MPDZ: variants seen among roughly 807,000 people sequenced by gnomAD.
MPDZ encodes multiple PDZ domain crumbs cell polarity complex component, also known as multiple PDZ domain protein.
In MPDZ, 234 loss-of-function variants were observed where a neutral mutation model predicts 239.1. That is an observed-to-expected ratio of 0.98 (90% confidence interval 0.88 to 1.09). MPDZ has a LOEUF of 1.09. Ranked by LOEUF, MPDZ falls within the 50% of genes least tolerant of loss-of-function variation. The pLI is 0.00. For synonymous variants in MPDZ, 1,048 were observed against 881.3 expected (o/e 1.19, Z -3.35); for missense variants, 3,175 against 2,510.0 (o/e 1.26, Z -5.66).
At chr9:13,112,881 C>T (rs1942727813) in intron 42 of MPDZ, 130 bp downstream of exon 42, 4 of 888,982 alleles carry the variant, frequency 4.5e-6, no homozygotes, top group African/African-American at 3.4e-5. Flanking sequence ...TGTTATTTCA[C>T]ATGTAATATG....
intron 3 of MPDZ, among the ~76,000 whole-genome samples, chr9:13,236,417 G>C (rs1430044610): frequency 2.7e-5 from 4 of 149,436 alleles, no homozygotes; most frequent in Non-Finnish European, 5.9e-5. Context: ...AGCTGAGCTG[G>C]GATTACAGGC....
chr9:13,275,216 C>T (rs1264345336), intron 1 of MPDZ, among the ~76,000 whole-genome samples: 1 of 152,174 alleles, frequency 6.6e-6, no homozygotes, highest in Non-Finnish European at 1.5e-5. Flanking sequence ...CACAGGAAAT[C>T]CTAATCCCTG....
chr9:13,248,471 AC>A (rs1292784709), intron 2 of MPDZ, among the ~76,000 whole-genome samples: 1 of 152,126 alleles, frequency 6.6e-6, no homozygotes, highest in African/African-American at 2.4e-5. Context: ...CTAGTGTCTT[AC>A]AAGCATACTT....
chr9:13,132,378 C>T (rs1482720928), intron 32 of MPDZ, among the ~76,000 whole-genome samples: 1 of 152,166 alleles, frequency 6.6e-6, no homozygotes, highest in East Asian at 1.9e-4. Context: ...ACAGCACAGG[C>T]TTCTGTCCAC....
chr9:13,266,821 G>C (rs1307642764), intron 1 of MPDZ, among the ~76,000 whole-genome samples: 4 of 152,142 alleles, frequency 2.6e-5, no homozygotes, highest in African/African-American at 7.2e-5. Flanking sequence ...AGCTACTCAA[G>C]GATTTGGGGG....
At chr9:13,126,900 A>G (rs917479417) in intron 32 of MPDZ, 128 bp from the exon 33 acceptor site, 1 of 686,622 alleles carries the variant, frequency 1.5e-6, no homozygotes, top group African/African-American at 1.8e-5. Flanking sequence ...TTAGACTTTA[A>G]ATCTAAGATC....
At chr9:13,151,351 T>C (rs1949143859) in intron 24 of MPDZ, among the ~76,000 whole-genome samples, 1 of 152,088 alleles carries the variant, frequency 6.6e-6, no homozygotes, top group African/African-American at 2.4e-5. Flanking sequence ...CAAAGAAATA[T>C]TTATACACCC....
At chr9:13,187,916 A>G (rs965243528) in intron 17 of MPDZ, among the ~76,000 whole-genome samples, 14 of 152,090 alleles carry the variant, frequency 9.2e-5, no homozygotes. Context: ...AGTTGTTTCT[A>G]TTATTACAGT....
intron 1 of MPDZ, among the ~76,000 whole-genome samples, chr9:13,260,527 A>T (rs1213633042): frequency 6.6e-6 from 1 of 152,174 alleles, no homozygotes; most frequent in Non-Finnish European, 1.5e-5. Flanking sequence ...GTTGCTATGG[A>T]ATGAACTGTG....
chr9:13,193,690 T>C (rs140216074), intron 13 of MPDZ, among the ~76,000 whole-genome samples: 39 of 152,286 alleles, frequency 2.6e-4, no homozygotes, highest in African/African-American at 9.1e-4. Context: ...CAGAACCACA[T>C]TCCTGGGTTT....
At chr9:13,259,483 T>C (rs938000917) in intron 1 of MPDZ, among the ~76,000 whole-genome samples, 2 of 152,114 alleles carry the variant, frequency 1.3e-5, no homozygotes, top group Non-Finnish European at 2.9e-5. Context: ...GAAATGATGA[T>C]ACAACCTGGG....
chr9:13,115,430 A>G, intron 39 of MPDZ, 96 bp from the exon 40 acceptor site: 1 of 992,528 alleles, frequency 1.0e-6, no homozygotes, highest in South Asian at 1.4e-5. Flanking sequence ...ACTTTTTTGA[A>G]AGGCATCTTC....
chr9:13,215,762 T>TG (rs1554703472), intron 10 of MPDZ, among the ~76,000 whole-genome samples: 1 of 137,138 alleles, frequency 7.3e-6, no homozygotes, highest in East Asian at 2.1e-4. Flanking sequence ...GGTTTTTTTT[T>TG]TTTTTTTTTT....
At position 13,224,596 on chromosome 9, in the gene MPDZ, C is replaced by A. The variant is rs778841469; in HGVS notation, c.184-13G>T. 1 of 1,545,186 alleles carries A rather than the reference C, an allele frequency of 6.5e-7. No individual in the cohort carries two copies. The highest frequency in any genetic ancestry group is 8.9e-7 in the Non-Finnish European group (1 of 1,128,428). ...TTGCAATATTTACCTAAGAGTAATGCAGGGATTATTAAGAATTTTGACATT... is the reference window on the plus strand; with the variant it reads ...TTGCAATATTTACCTAAGAGTAATGAAGGGATTATTAAGAATTTTGACATT... On this transcript the variant is annotated splice_polypyrimidine_tract_variant and intron_variant, in intron 3 of 46. Coordinates refer to ENST00000319217, the MANE Select transcript of MPDZ (RefSeq NM_001378778.1).
intron 29 of MPDZ, among the ~76,000 whole-genome samples, chr9:13,137,564 A>G (rs1587124116): frequency 6.6e-6 from 1 of 151,872 alleles, no homozygotes; most frequent in African/African-American, 2.4e-5. Flanking sequence ...ACCCCACCTC[A>G]CCCTCATCAC....
At position 13,224,599 on chromosome 9, in the gene MPDZ, G is replaced by C. The variant is rs376243494; in HGVS notation, c.184-16C>G. 131 of 1,514,134 alleles carry C rather than the reference G, an allele frequency of 8.7e-5. No individual in the cohort carries two copies. Among genetic ancestry groups the C allele is most frequent in the Non-Finnish European group, 1.1e-4 (121 of 1,104,768 alleles). 93.8% of individuals were successfully genotyped at this position (1,514,134 alleles called of 1,614,324 possible). ...CAATATTTACCTAAGAGTAATGCAG[G>C]GATTATTAAGAATTTTGACATTCCA... is the stretch of plus-strand genomic sequence containing the variant. On this transcript the variant is annotated splice_polypyrimidine_tract_variant and intron_variant, in intron 3 of 46. Coordinates refer to ENST00000319217, the MANE Select transcript of MPDZ (RefSeq NM_001378778.1).
At chr9:13,176,049 T>C (rs1451041249) in intron 20 of MPDZ, 87 bp downstream of exon 20, 8 of 1,448,998 alleles carry the variant, frequency 5.5e-6, no homozygotes, top group Non-Finnish European at 7.3e-6. Flanking sequence ...GAAGCACTCA[T>C]TCCAAATGAA....
At chr9:13,267,460 C>A (rs1418825951) in intron 1 of MPDZ, among the ~76,000 whole-genome samples, 1 of 152,100 alleles carries the variant, frequency 6.6e-6, no homozygotes. Flanking sequence ...GCTGTCTTAC[C>A]TATGCTGTAA....
intron 24 of MPDZ, among the ~76,000 whole-genome samples, chr9:13,153,290 C>G (rs1299920426): frequency 1.3e-5 from 2 of 152,116 alleles, no homozygotes; most frequent in East Asian, 1.9e-4. Flanking sequence ...TCTAGAAACT[C>G]TACCTGTTTA....
Sources: allele counts gnomAD v4.1 joint callset (sites outside exome capture counted in the v4.1 genomes callset), GRCh38; gene constraint gnomAD v4.1.1; transcripts MANE v1.5; gene names NCBI Gene and HGNC (gene_info 2026-07-23, HGNC 2026-07-21).